The following MAST4 variants were observed in gnomAD, a reference collection of about 807,000 sequenced individuals.
MAST4 encodes microtubule-associated serine/threonine-protein kinase 4.
A neutral mutation model predicts 162.7 loss-of-function variants in MAST4; 89 were observed. That is an observed-to-expected ratio of 0.55 (90% CI 0.46 to 0.65). The LOEUF is 0.65. MAST4 is among the 30% of genes least tolerant of loss of function. MAST4 has a pLI of 0.00. For synonymous variants in MAST4, 1,479 were observed against 1,361.1 expected, an observed-to-expected ratio of 1.09 and a Z score of -1.91; for missense variants, 3,153 against 3,374.0, an observed-to-expected ratio of 0.93 and a Z score of 1.62.
At chr5:66,751,943 C>A (rs1194026893) in intron 1 of MAST4, among the ~76,000 whole-genome samples, 7 of 151,214 alleles carry the variant, frequency 4.6e-5, no homozygotes, top group Non-Finnish European at 8.8e-5. Flanking sequence ...AACAGCGGAT[C>A]TCTGGGCAGA....
chr5:67,004,773 G>C, intron 4 of MAST4: 1 of 512,652 alleles, frequency 2.0e-6, no homozygotes, highest in Non-Finnish European at 3.5e-6. Context: ...CCTTTGAGAG[G>C]AGGCTGTGTG....
intron 1 of MAST4, among the ~76,000 whole-genome samples, chr5:66,646,634 C>T (rs182785931): frequency 7.5e-4 from 114 of 152,144 alleles, no homozygotes; most frequent in African/African-American, 2.6e-3. Context: ...GTTTTAACAC[C>T]ATGTATAAGA....
chr5:66,725,647 A>G (rs1183443415), intron 1 of MAST4, among the ~76,000 whole-genome samples: 6 of 152,100 alleles, frequency 3.9e-5, no homozygotes, highest in African/African-American at 9.7e-5. Context: ...AACATTTCTG[A>G]TATCTTTTGG....
intron 3 of MAST4, among the ~76,000 whole-genome samples, chr5:66,810,957 A>G (rs1422618657): frequency 6.6e-6 from 1 of 152,216 alleles, no homozygotes; most frequent in Non-Finnish European, 1.5e-5. Flanking sequence ...TTGCAGAATG[A>G]CCACATCCTT....
chr5:67,104,586 T>C lies in MAST4; in HGVS notation c.1356+11T>C. ...AAGTTGCTACAGGAGGTAAGAACCA[T>C]GTACCATATAGTTTTCTGATTTATT... On this transcript the variant is annotated intron_variant, in intron 10 of 28. Transcript: ENST00000403625. 1.2e-6 allele frequency: 2 copies of C among 1,606,908 alleles called. No homozygotes were observed. The highest frequency in any genetic ancestry group is 1.7e-6 in the Non-Finnish European group (2 of 1,175,152).
rs34963439 is a variant in MAST4 at position 66,907,158 on chromosome 5, C to CGAGAGAGAGA, written c.674+7216_674+7225dup. On this transcript the variant is annotated intron_variant, in intron 4 of 28. Coordinates refer to ENST00000403625, the MANE Select transcript of MAST4 (RefSeq NM_001164664.2). Reference sequence around the variant, plus strand: ...AAAGGAAAAATAACTCTCAGCAAAGCGAGAGAGAGAGAGAGAGAGAGAGAG... The same window carrying CGAGAGAGAGA: ...AAAGGAAAAATAACTCTCAGCAAAGCGAGAGAGAGAGAGAGAGAGAGAGAGAGAGAGAGAG... 3.2e-3 allele frequency among the ~76,000 whole-genome samples: 329 copies of CGAGAGAGAGA among 104,326 alleles called. 15 individuals carry two copies. Among genetic ancestry groups the CGAGAGAGAGA allele is most frequent in the African/African-American group, 3.9e-3 (102 of 26,208 alleles). 68.4% of individuals were successfully genotyped at this position (104,326 alleles called of 152,430 possible).
chr5:66,758,839 CTTT>C (rs912519233), intron 1 of MAST4, among the ~76,000 whole-genome samples: 6 of 152,196 alleles, frequency 3.9e-5, no homozygotes, highest in African/African-American at 1.2e-4. Flanking sequence ...TTTTTATGTA[CTTT>C]TTTGAGGGAT....
At chr5:67,018,217 T>C (rs1177845372) in intron 4 of MAST4, among the ~76,000 whole-genome samples, 2 of 152,164 alleles carry the variant, frequency 1.3e-5, no homozygotes, top group Non-Finnish European at 2.9e-5. Context: ...GCAAACTAAA[T>C]TGTGTGGTCT....
chr5:66,822,085 A>G (rs935265263), intron 3 of MAST4, among the ~76,000 whole-genome samples: 3 of 152,178 alleles, frequency 2.0e-5, no homozygotes, highest in Non-Finnish European at 4.4e-5. Flanking sequence ...ATGAGAAACC[A>G]GAGCTCAAGG....
intron 4 of MAST4, chr5:67,001,586 G>A (rs926107463): frequency 1.3e-5 from 2 of 152,172 alleles, no homozygotes; most frequent in African/African-American, 4.8e-5. Context: ...CTGCAGATTG[G>A]GGTATCTGTC....
chr5:67,151,174 A>G (rs531737773), intron 24 of MAST4, among the ~76,000 whole-genome samples: 1 of 152,382 alleles, frequency 6.6e-6, no homozygotes, highest in South Asian at 2.1e-4. Context: ...GATATGAACT[A>G]AAAAGCATTC....
At chr5:67,058,305 C>G (rs1481832293) in intron 5 of MAST4, among the ~76,000 whole-genome samples, 3 of 152,126 alleles carry the variant, frequency 2.0e-5, no homozygotes, top group Non-Finnish European at 4.4e-5. Flanking sequence ...AAAGCGGTCC[C>G]TTTCCCATGA....
chr5:66,763,298 G>A lies in MAST4; in HGVS notation c.517+3436G>A, dbSNP rs557199232. Among the ~76,000 whole-genome samples, 9 of 152,278 alleles carry A rather than the reference G, an allele frequency of 5.9e-5. No individual in the cohort carries two copies. The East Asian group carries it at 1.7e-3, about 29-fold the overall frequency. On this transcript the variant is annotated intron_variant, in intron 2 of 28. Transcript: ENST00000403625. ...AAAATTGTTCACTCAGTTAAAATTT[G>A]TGGTTGGCTCAATCTGTAGGGCTCC...
chr5:66,760,616 A>C (rs1049489476), intron 2 of MAST4, among the ~76,000 whole-genome samples: 5 of 152,176 alleles, frequency 3.3e-5, no homozygotes, highest in Admixed American at 3.3e-4. Flanking sequence ...AGACCTTATC[A>C]AGGGGTTTAC....
chr5:66,903,432 CTGTGTT>C (rs993069516), intron 4 of MAST4, among the ~76,000 whole-genome samples: 1 of 117,826 alleles, frequency 8.5e-6, no homozygotes, highest in African/African-American at 3.1e-5. Flanking sequence ...ATTCTCACAC[CTGTGTT>C]TGTGTGTGTG....
chr5:66,994,202 T>G (rs1307545852), intron 4 of MAST4, among the ~76,000 whole-genome samples: 1 of 152,112 alleles, frequency 6.6e-6, no homozygotes, highest in Non-Finnish European at 1.5e-5. Context: ...TCATGGCAAG[T>G]GAGGAGAAGA....
chr5:66,912,375 G>T (rs572787917), intron 4 of MAST4, among the ~76,000 whole-genome samples: 62 of 152,284 alleles, frequency 4.1e-4, no homozygotes, highest in Middle Eastern at 3.4e-3. Context: ...AACAAATCAA[G>T]AATCAATTAT....
At chr5:67,097,308 T>C (rs1278495281) in intron 7 of MAST4, among the ~76,000 whole-genome samples, 2 of 152,184 alleles carry the variant, frequency 1.3e-5, no homozygotes, top group Admixed American at 6.5e-5. Context: ...GTCTAAATTC[T>C]TAAAATGCAT....
intron 4 of MAST4, among the ~76,000 whole-genome samples, chr5:67,030,262 T>C (rs2150427713): frequency 6.6e-6 from 1 of 152,300 alleles, no homozygotes; most frequent in Admixed American, 6.5e-5. Context: ...TAGCATGGTG[T>C]GATACCTGTA....
Sources: allele counts gnomAD v4.1 joint callset (sites outside exome capture counted in the v4.1 genomes callset), GRCh38; gene constraint gnomAD v4.1.1; transcripts MANE v1.5; gene names NCBI Gene and HGNC (gene_info 2026-07-23, HGNC 2026-07-21).